WWOX: variants seen among roughly 807,000 people sequenced by gnomAD.
The protein encoded by WWOX is WW domain-containing oxidoreductase.
A neutral mutation model predicts 46.2 loss-of-function variants in WWOX; 69 were observed. The observed-to-expected ratio is 1.49, with a 90% CI of 1.23 to 1.82. The LOEUF (loss-of-function observed/expected upper bound fraction) is 1.82, where lower values mean the gene tolerates loss of function less well. Ranked by LOEUF, WWOX falls within the 40% of genes most tolerant of loss-of-function variation. The probability of loss-of-function intolerance (pLI) is 0.00; values close to 1 mark genes in which losing one functional copy is unlikely to be tolerated. For missense variants in WWOX, 919 were observed against 542.6 expected (o/e 1.69, Z -6.89); for synonymous variants, 359 against 202.6 (o/e 1.77, Z -6.56).
Position 79,193,249 on chromosome 16 carries a change from T to A in WWOX, c.1057-18359T>A, listed in dbSNP as rs529513001. ...CCCTCTGCATACAAGTTGCTTACCC[T>A]TGGGGGCCCTGTAAAATGACCATAA... On this transcript the variant is annotated intron_variant, in intron 8 of 8. Transcript: ENST00000566780. Among the ~76,000 whole-genome samples, 19 of 152,282 alleles carry A rather than the reference T, an allele frequency of 1.2e-4. No homozygotes were observed. The South Asian group carries it at 3.9e-3, about 32-fold the overall frequency.
At chr16:79,187,784 C>T (rs184189884) in intron 8 of WWOX, among the ~76,000 whole-genome samples, 94 of 152,316 alleles carry the variant, frequency 6.2e-4, no homozygotes, top group Admixed American at 3.3e-3. Context: ...TCAAGCAATG[C>T]ACTGGCCTTG....
intron 8 of WWOX, among the ~76,000 whole-genome samples, chr16:78,810,200 C>G (rs2051149819): frequency 6.6e-6 from 1 of 152,158 alleles, no homozygotes; most frequent in Non-Finnish European, 1.5e-5. Flanking sequence ...TATACATTTT[C>G]AAAACTACAC....
intron 8 of WWOX, among the ~76,000 whole-genome samples, chr16:78,613,604 G>C (rs1006403023): frequency 1.3e-5 from 2 of 152,120 alleles, no homozygotes; most frequent in East Asian, 3.9e-4. Flanking sequence ...CCTGAATTCC[G>C]GATTCAAGAT....
chr16:78,929,310 G>A (rs2045568704), intron 8 of WWOX, among the ~76,000 whole-genome samples: 2 of 151,540 alleles, frequency 1.3e-5, no homozygotes, highest in Non-Finnish European at 2.9e-5. Flanking sequence ...AGCCTCAAGT[G>A]TCCAATAAAA....
At chr16:78,758,326 G>C (rs2049707763) in intron 8 of WWOX, among the ~76,000 whole-genome samples, 2 of 152,190 alleles carry the variant, frequency 1.3e-5, no homozygotes, top group South Asian at 4.1e-4. Flanking sequence ...GCCACTTGTA[G>C]AGAGGTATTA....
intron 8 of WWOX, among the ~76,000 whole-genome samples, chr16:78,610,571 G>A (rs1040334182): frequency 2.6e-5 from 4 of 152,112 alleles, no homozygotes; most frequent in Admixed American, 1.3e-4. Context: ...TGAAAAAATT[G>A]CTCAGTGCAT....
chr16:79,074,715 T>C (rs1014102336), intron 8 of WWOX, among the ~76,000 whole-genome samples: 1 of 152,000 alleles, frequency 6.6e-6, no homozygotes, highest in African/African-American at 2.4e-5. Context: ...ATCCTCTTCT[T>C]CCCTCTACAA....
chr16:78,993,343 T>G (rs1260404146), intron 8 of WWOX, among the ~76,000 whole-genome samples: 1 of 152,168 alleles, frequency 6.6e-6, no homozygotes, highest in African/African-American at 2.4e-5. Flanking sequence ...TTTTATATCT[T>G]GAATATTTAC....
chr16:78,540,018 T>TCACACACACACACACACA (rs764527946), intron 8 of WWOX, among the ~76,000 whole-genome samples: 4 of 102,452 alleles, frequency 3.9e-5, no homozygotes, highest in Non-Finnish European at 9.5e-5. Context: ...TCTCTCTCTC[T>TCACACACACACACACACA]CTCACACACA....
chr16:78,811,844 C>G (rs149756950), intron 8 of WWOX, among the ~76,000 whole-genome samples: 1 of 152,180 alleles, frequency 6.6e-6, no homozygotes, highest in Non-Finnish European at 1.5e-5. Context: ...CAGTCCCTAA[C>G]ACTTGGTCAA....
intron 8 of WWOX, among the ~76,000 whole-genome samples, chr16:78,534,827 G>T (rs1008845054): frequency 6.8e-6 from 1 of 147,572 alleles, no homozygotes; most frequent in Non-Finnish European, 1.5e-5. Context: ...CCACTGCCCT[G>T]ATCAGCTTCC....
At chr16:78,993,796 G>A (rs2046935530) in intron 8 of WWOX, among the ~76,000 whole-genome samples, 1 of 152,206 alleles carries the variant, frequency 6.6e-6, no homozygotes, top group Non-Finnish European at 1.5e-5. Context: ...TTTTCGTGGT[G>A]CAGCTTGGAT....
intron 8 of WWOX, among the ~76,000 whole-genome samples, chr16:78,955,233 A>G (rs572973863): frequency 7.9e-5 from 12 of 152,278 alleles, no homozygotes; most frequent in Non-Finnish European, 1.6e-4. Flanking sequence ...GGGTGCTCAA[A>G]TGATGTTCAG....
In WWOX at chr16:79,077,993, C is replaced by G. The variant is rs1031688202; in HGVS notation, c.1057-133615C>G. 20 of 152,208 alleles carry G rather than the reference C, an allele frequency of 1.3e-4. No individual in the cohort carries two copies. In the East Asian group the frequency reaches 3.9e-3, roughly 29 times the overall value. 9.4% of individuals were successfully genotyped at this position (152,208 alleles called of 1,614,324 possible). A position where few individuals can be genotyped will look rare whatever the true frequency, so the allele number is the denominator to read the frequency against. On this transcript the variant is annotated intron_variant, in intron 8 of 8. Coordinates refer to ENST00000566780, the MANE Select transcript of WWOX (RefSeq NM_016373.4). The stretch of plus-strand genomic sequence containing the variant: ...TCCTACCTGCTCCTCTTGTGGCTAC[C>G]TTGGGAGGTGCCATTTTTATCAAGG...
chr16:78,681,214 C>A (rs2047721124), intron 8 of WWOX, among the ~76,000 whole-genome samples: 1 of 152,044 alleles, frequency 6.6e-6, no homozygotes, highest in Non-Finnish European at 1.5e-5. Flanking sequence ...ATGCCACAGC[C>A]TGGGCAACAG....
intron 8 of WWOX, among the ~76,000 whole-genome samples, chr16:78,600,789 G>C (rs1011872766): frequency 1.3e-5 from 2 of 152,158 alleles, no homozygotes; most frequent in South Asian, 2.1e-4. Flanking sequence ...GCCATCTTGG[G>C]AGTGCTCAAC....
intron 8 of WWOX, among the ~76,000 whole-genome samples, chr16:79,197,336 A>T (rs2051260663): frequency 6.6e-6 from 1 of 152,188 alleles, no homozygotes; most frequent in Non-Finnish European, 1.5e-5. Flanking sequence ...CTAGAACTGG[A>T]TCATAGCAGC....
At chr16:78,641,892 G>C (rs886488249) in intron 8 of WWOX, among the ~76,000 whole-genome samples, 4 of 152,192 alleles carry the variant, frequency 2.6e-5, no homozygotes, top group Admixed American at 2.6e-4. Flanking sequence ...TCTGTGCACA[G>C]GCAGTATTAG....
chr16:78,351,644 G>T (rs6564530), intron 5 of WWOX, among the ~76,000 whole-genome samples: 107,202 of 152,078 alleles, frequency 0.7, 38,642 homozygotes, highest in African/African-American at 0.76. Context: ...TCAGCCCTGC[G>T]TGGCTATGCA....
Sources: allele counts gnomAD v4.1 joint callset (sites outside exome capture counted in the v4.1 genomes callset), GRCh38; gene constraint gnomAD v4.1.1; transcripts MANE v1.5; gene names NCBI Gene and HGNC (gene_info 2026-07-23, HGNC 2026-07-21).